The following RAB9B variants were observed in gnomAD, a reference collection of about 807,000 sequenced individuals.
RAB9B encodes RAB9B, member RAS oncogene family, also known as ras-related protein Rab-9B.
Under a neutral mutation model 8.9 loss-of-function variants are expected in RAB9B, and 1 was observed. The observed-to-expected ratio is 0.11, with a 90% CI of 0.04 to 0.53. The LOEUF is 0.53. RAB9B is among the 20% of genes least tolerant of loss of function. RAB9B has a pLI of 0.93. For synonymous variants in RAB9B, 63 were observed against 57.0 expected, an observed-to-expected ratio of 1.10 and a Z score of -0.47; for missense variants, 82 against 152.9, an observed-to-expected ratio of 0.54 and a Z score of 2.45.
the RAB9B span, among the ~76,000 whole-genome samples, chrX:103,790,195 C>T: frequency 1.8e-5 from 2 of 112,244 alleles, no homozygotes; most frequent in Admixed American, 1.9e-4. Flanking sequence ...GACTCTAAGT[C>T]ACTCGGACAT....
rs765741640 is a variant in RAB9B at position 103,832,241 on chromosome X, C to T, written c.-298G>A. ...CAGCTGCCGCTCGCGCCCGCCGCTG[C>T]CGCCGCGCAGCGTCTCGAGCCCGCG... On this transcript the variant is annotated 5_prime_UTR_variant, in exon 1 of 3. Transcript: ENST00000243298. 973 of 110,264 alleles carry T rather than the reference C, an allele frequency of 8.8e-3. 18 individuals carry two copies. The highest frequency in any genetic ancestry group is 0.03 in the African/African-American group (900 of 30,409). 9.1% of individuals were successfully genotyped at this position (110,264 alleles called of 1,213,427 possible). A position where few individuals can be genotyped will look rare whatever the true frequency, so the allele number is the denominator to read the frequency against.
At chrX:103,821,132 ACTCTAGCCT>A (rs1286830754), downstream of RAB9B, among the ~76,000 whole-genome samples, 1 of 109,558 alleles carries the variant, frequency 9.1e-6, no homozygotes, top group African/African-American at 3.3e-5. Context: ...AGGCCACTAC[ACTCTAGCCT>A]GGGCAAAAGA....
At chrX:103,789,773 C>T in the RAB9B span, among the ~76,000 whole-genome samples, 1 of 111,871 alleles carries the variant, frequency 8.9e-6, no homozygotes, top group Non-Finnish European at 1.9e-5. Flanking sequence ...ACATGACTTG[C>T]TATAGCCTGG....
At chrX:103,786,060 C>T in the RAB9B span, 7 of 1,048,225 alleles carry the variant, frequency 6.7e-6, no homozygotes, top group South Asian at 1.6e-4. Flanking sequence ...GAGCCTCCAG[C>T]GTAGTAGGTA....
chrX:103,804,907 T>C, the RAB9B span, among the ~76,000 whole-genome samples: 1 of 111,784 alleles, frequency 8.9e-6, no homozygotes, highest in Admixed American at 9.6e-5. Context: ...TTTTTGGGGC[T>C]TCTTTACAAT....
At chrX:103,787,711 C>T in the RAB9B span, 2 of 804,214 alleles carry the variant, frequency 2.5e-6, no homozygotes, top group Non-Finnish European at 3.8e-6. Flanking sequence ...TAATGTCTGG[C>T]ACACGCCACT....
chrX:103,823,353 G>T lies in RAB9B; in HGVS notation c.*1826C>A, dbSNP rs889192997. 1.8e-5 allele frequency: 2 copies of T among 111,608 alleles called. No individual in the cohort carries two copies. Among genetic ancestry groups the T allele is most frequent in the Non-Finnish European group, 3.8e-5 (2 of 53,173 alleles). The allele number at this position is 111,608 out of a possible 1,213,427, so 9.2% of individuals were successfully genotyped here. ...AAAGTTAATTGAACAATGGTGTCAG[G>T]ATTATATCTTAATTGGAAATATTGA... On this transcript the variant is annotated 3_prime_UTR_variant, in exon 3 of 3. Coordinates refer to ENST00000243298, the MANE Select transcript of RAB9B (RefSeq NM_016370.4).
downstream of RAB9B, among the ~76,000 whole-genome samples, chrX:103,822,002 G>A (rs753282480): frequency 1.8e-5 from 2 of 111,687 alleles, no homozygotes; most frequent in African/African-American, 3.3e-5. Context: ...TTAAACCCAT[G>A]AGTTTGAGGC....
At chrX:103,791,023 G>A in the RAB9B span, 6 of 174,273 alleles carry the variant, frequency 3.4e-5, no homozygotes, top group Non-Finnish European at 6.4e-5. Context: ...CATCTATAGG[G>A]GCCAAATATA....
In RAB9B at chrX:103,822,922, C is replaced by T. The variant is rs1444321016; in HGVS notation, c.*2257G>A. Reference sequence around the variant, plus strand: ...AATGGTATGGCTAAGAGGAAAGGGGCTCCAGCTGATGGGCCAATAAAATTA... The same window carrying T: ...AATGGTATGGCTAAGAGGAAAGGGGTTCCAGCTGATGGGCCAATAAAATTA... On this transcript the variant is annotated 3_prime_UTR_variant, in exon 3 of 3. Transcript: ENST00000243298. 9.0e-6 allele frequency: 1 copy of T among 111,175 alleles called. No individual in the cohort carries two copies. The highest frequency in any genetic ancestry group is 1.9e-5 in the Non-Finnish European group (1 of 53,105). The allele number at this position is 111,175 out of a possible 1,213,427, so 9.2% of individuals were successfully genotyped here.
At chrX:103,815,141 AAG>A in the RAB9B span, among the ~76,000 whole-genome samples, 1 of 112,384 alleles carries the variant, frequency 8.9e-6, no homozygotes, top group Non-Finnish European at 1.9e-5. Flanking sequence ...ACAACAAAAA[AAG>A]AGAATTTTAG....
the RAB9B span, among the ~76,000 whole-genome samples, chrX:103,800,530 T>C: frequency 9.0e-6 from 1 of 111,714 alleles, no homozygotes; most frequent in Non-Finnish European, 1.9e-5. Context: ...CTCACCCTCA[T>C]TTCAAACTCT....
intron 1 of RAB9B, among the ~76,000 whole-genome samples, 171 bp from the exon 2 acceptor site, chrX:103,827,249 T>TA (rs1282696507): frequency 9.0e-6 from 1 of 111,513 alleles, no homozygotes; most frequent in Non-Finnish European, 1.9e-5. Context: ...TACCTATGCT[T>TA]AACATAAGCA....
At chrX:103,814,335 C>T in the RAB9B span, among the ~76,000 whole-genome samples, 1 of 111,942 alleles carries the variant, frequency 8.9e-6, no homozygotes, top group Non-Finnish European at 1.9e-5. Context: ...TCCTGAATGA[C>T]TACTGGGTAA....
chrX:103,784,157 A>G, the RAB9B span, among the ~76,000 whole-genome samples: 1 of 111,460 alleles, frequency 9.0e-6, no homozygotes, highest in South Asian at 3.8e-4. Context: ...CTGCTTTCAG[A>G]GCCTGTGACT....
downstream of RAB9B, among the ~76,000 whole-genome samples, chrX:103,819,549 G>A (rs1444757718): frequency 9.0e-6 from 1 of 110,924 alleles, no homozygotes; most frequent in African/African-American, 3.3e-5. Flanking sequence ...ATTTTCACTG[G>A]GAAAATATTA....
At chrX:103,783,554 G>T in the RAB9B span, among the ~76,000 whole-genome samples, 5 of 112,228 alleles carry the variant, frequency 4.5e-5, no homozygotes, top group African/African-American at 1.6e-4. Context: ...TTGTGTCTCT[G>T]AGAACAGAGG....
chrX:103,813,548 C>T, the RAB9B span, among the ~76,000 whole-genome samples: 5 of 108,221 alleles, frequency 4.6e-5, no homozygotes, highest in African/African-American at 1.0e-4. Flanking sequence ...CTGCAACCTC[C>T]GTCTTATTCA....
At chrX:103,830,019 A>G (rs1299850293) in intron 1 of RAB9B, among the ~76,000 whole-genome samples, 1 of 111,992 alleles carries the variant, frequency 8.9e-6, no homozygotes, top group Non-Finnish European at 1.9e-5. Flanking sequence ...AAAGAGCAGA[A>G]GTTATGAACT....
Sources: gnomAD v4.1 joint callset for allele counts (sites outside exome capture counted in the v4.1 genomes callset) on GRCh38, gnomAD v4.1.1 for gene constraint, MANE v1.5 for transcripts, NCBI Gene and HGNC (gene_info 2026-07-23, HGNC 2026-07-21) for gene names.